The following SGCD variants were observed in gnomAD, a reference collection of about 807,000 sequenced individuals.
The protein encoded by SGCD is sarcoglycan delta.
In SGCD, 18 loss-of-function variants were observed where a neutral mutation model predicts 36.6. The ratio of observed to expected loss-of-function variants is 0.49; its 90% CI spans 0.34 to 0.73. SGCD has a LOEUF of 0.73. Ranked by LOEUF, SGCD falls within the 30% of genes least tolerant of loss-of-function variation. The probability of loss-of-function intolerance (pLI) is 0.01; values close to 1 mark genes in which losing one functional copy is unlikely to be tolerated. For missense variants in SGCD, 387 were observed against 346.7 expected, an observed-to-expected ratio of 1.12 and a Z score of -0.92; for synonymous variants, 133 against 130.6, an observed-to-expected ratio of 1.02 and a Z score of -0.12.
At chr5:156,504,111 G>A (rs1486395345) in intron 3 of SGCD, among the ~76,000 whole-genome samples, 2 of 151,856 alleles carry the variant, frequency 1.3e-5, no homozygotes, top group Middle Eastern at 3.4e-3. Flanking sequence ...GGCTGAGGTA[G>A]GAGAATCACT....
At chr5:156,191,270 C>A (rs937547918) in intron 3 of SGCD, among the ~76,000 whole-genome samples, 7 of 152,084 alleles carry the variant, frequency 4.6e-5, no homozygotes, top group Admixed American at 4.6e-4. Flanking sequence ...ATCTTGAAGA[C>A]ATCAAAGTAT....
the SGCD span, among the ~76,000 whole-genome samples, chr5:155,848,168 A>C: frequency 1.3e-5 from 2 of 152,152 alleles, no homozygotes; most frequent in African/African-American, 4.8e-5. Flanking sequence ...TAAAGACATA[A>C]ATAAACATTC....
At chr5:156,221,983 C>G (rs1327202763) in intron 3 of SGCD, among the ~76,000 whole-genome samples, 1 of 151,948 alleles carries the variant, frequency 6.6e-6, no homozygotes, top group Non-Finnish European at 1.5e-5. Flanking sequence ...GAATAGAAGA[C>G]TTTGAAGTTT....
chr5:155,876,977 C>CTCA (rs1002900023), intron 1 of SGCD, among the ~76,000 whole-genome samples: 4 of 152,042 alleles, frequency 2.6e-5, no homozygotes, highest in African/African-American at 9.7e-5. Context: ...CCACTATATC[C>CTCA]TCAGCATTTT....
chr5:155,757,040 C>T, the SGCD span, among the ~76,000 whole-genome samples: 17 of 152,100 alleles, frequency 1.1e-4, no homozygotes, highest in Non-Finnish European at 1.6e-4. Flanking sequence ...GGACCACAGG[C>T]GGGGTCTATG....
chr5:155,879,807 C>T (rs1169342329), intron 1 of SGCD, among the ~76,000 whole-genome samples: 1 of 152,054 alleles, frequency 6.6e-6, no homozygotes, highest in Non-Finnish European at 1.5e-5. Flanking sequence ...CAGTTTTAAC[C>T]ACTTGATAGA....
chr5:156,642,282 A>T (rs544103374), intron 6 of SGCD, among the ~76,000 whole-genome samples: 107 of 152,164 alleles, frequency 7.0e-4, no homozygotes, highest in South Asian at 1.7e-3. Flanking sequence ...GACACAAACA[A>T]GTAATCCATA....
chr5:156,027,210 A>G (rs1759241667), intron 1 of SGCD, among the ~76,000 whole-genome samples: 1 of 152,216 alleles, frequency 6.6e-6, no homozygotes, highest in Admixed American at 6.5e-5. Flanking sequence ...ATCCTTATTC[A>G]TTCCTAGTTG....
At chr5:156,417,075 C>A (rs372071654) in intron 3 of SGCD, among the ~76,000 whole-genome samples, 1 of 151,942 alleles carries the variant, frequency 6.6e-6, no homozygotes, top group East Asian at 1.9e-4. Flanking sequence ...GAGAACAATG[C>A]TTTTTTTAAA....
chr5:156,591,135 T>C (rs187057951), intron 5 of SGCD, among the ~76,000 whole-genome samples: 2 of 152,178 alleles, frequency 1.3e-5, no homozygotes, highest in East Asian at 1.9e-4. Context: ...ATGCACACAG[T>C]GGAAAAGCAC....
chr5:156,255,738 A>C (rs1049605656), intron 3 of SGCD, among the ~76,000 whole-genome samples: 5 of 151,380 alleles, frequency 3.3e-5, no homozygotes, highest in Non-Finnish European at 7.4e-5. Context: ...TCTTATTTGA[A>C]CCTTCTGTCC....
At chr5:156,374,515 T>G (rs1770552760) in intron 3 of SGCD, among the ~76,000 whole-genome samples, 1 of 152,176 alleles carries the variant, frequency 6.6e-6, no homozygotes, top group Non-Finnish European at 1.5e-5. Context: ...GGGCATTTTA[T>G]TTTTCAGCAC....
At chr5:155,778,105 G>C in the SGCD span, among the ~76,000 whole-genome samples, 2 of 152,152 alleles carry the variant, frequency 1.3e-5, no homozygotes, top group Non-Finnish European at 2.9e-5. Context: ...TAGACATGAA[G>C]GGGATGTCAA....
the SGCD span, among the ~76,000 whole-genome samples, chr5:155,822,758 C>A: frequency 2.0e-5 from 3 of 152,220 alleles, no homozygotes; most frequent in African/African-American, 7.2e-5. Flanking sequence ...CAGGGATTCA[C>A]ATATAGCAAA....
chr5:156,550,923 C>A (rs1758768483), intron 4 of SGCD, among the ~76,000 whole-genome samples: 1 of 152,146 alleles, frequency 6.6e-6, no homozygotes, highest in Non-Finnish European at 1.5e-5. Flanking sequence ...CTTCGTAGGT[C>A]ATCTTGTTGG....
chr5:156,750,574 A>G (rs1757112913), intron 7 of SGCD, among the ~76,000 whole-genome samples: 1 of 151,698 alleles, frequency 6.6e-6, no homozygotes, highest in African/African-American at 2.4e-5. Context: ...GCTACTTGGG[A>G]GGCTGAGGCT....
At chr5:156,357,151 G>A (rs112074485) in intron 3 of SGCD, among the ~76,000 whole-genome samples, 13 of 152,278 alleles carry the variant, frequency 8.5e-5, no homozygotes, top group South Asian at 4.1e-4. Context: ...GCTATTAAGC[G>A]TGCAGTCACC....
intron 3 of SGCD, among the ~76,000 whole-genome samples, chr5:156,318,400 C>G (rs1449416849): frequency 6.6e-6 from 1 of 152,090 alleles, no homozygotes; most frequent in African/African-American, 2.4e-5. Context: ...AAGTCCTCCC[C>G]ACAAAGTCTT....
rs1561657815 is a variant in SGCD, at chr5:156,380,711, T to TA, written c.192+36038dup. 2.0e-5 allele frequency among the ~76,000 whole-genome samples: 3 copies of TA among 152,354 alleles called. No individual in the cohort carries two copies. In the East Asian group the frequency reaches 5.8e-4, roughly 29 times the overall value. On this transcript the variant is annotated intron_variant, in intron 3 of 8. Coordinates refer to ENST00000337851, the MANE Select transcript of SGCD (RefSeq NM_000337.6). ...CTCTGAAGTTTGGTTTGCTCATCTG[T>TA]AAAATGGGGATAGTGGTACTAATCT...
Sources: gnomAD v4.1 joint callset for allele counts (sites outside exome capture counted in the v4.1 genomes callset) on GRCh38, gnomAD v4.1.1 for gene constraint, MANE v1.5 for transcripts, NCBI Gene and HGNC (gene_info 2026-07-23, HGNC 2026-07-21) for gene names.